UNC5D: variants seen among roughly 807,000 people sequenced by gnomAD.
UNC5D encodes netrin receptor UNC5D.
In UNC5D, 39 loss-of-function variants were observed where a neutral mutation model predicts 105.4. That is an observed-to-expected ratio of 0.37 (90% CI 0.29 to 0.48). The LOEUF (loss-of-function observed/expected upper bound fraction) is 0.48, where lower values mean the gene tolerates loss of function less well. UNC5D is among the 20% of genes least tolerant of loss of function. The pLI is 0.98. For missense variants in UNC5D, 991 were observed against 1,202.4 expected (o/e 0.82, Z 2.60); for synonymous variants, 452 against 450.4 (o/e 1.00, Z -0.04).
At chr8:35,695,927 G>T (rs540084988) in intron 7 of UNC5D, among the ~76,000 whole-genome samples, 2 of 151,956 alleles carry the variant, frequency 1.3e-5, no homozygotes, top group South Asian at 4.2e-4. Context: ...TAGAGATGGG[G>T]TTTTGCCATG....
chr8:35,502,372 C>T (rs1241433740), intron 1 of UNC5D, among the ~76,000 whole-genome samples: 1 of 152,174 alleles, frequency 6.6e-6, no homozygotes, highest in African/African-American at 2.4e-5. Flanking sequence ...ATGCGTGTGG[C>T]AGGATCAAAT....
intron 8 of UNC5D, among the ~76,000 whole-genome samples, chr8:35,710,958 AGACG>A (rs1415309249): frequency 5.6e-5 from 4 of 72,070 alleles, no homozygotes; most frequent in Non-Finnish European, 8.8e-5. Flanking sequence ...TTTTTTTTTG[AGACG>A]GAGTCTCGCT....
intron 4 of UNC5D, among the ~76,000 whole-genome samples, chr8:35,647,136 C>A (rs895739266): frequency 1.1e-4 from 16 of 152,098 alleles, no homozygotes; most frequent in Admixed American, 4.6e-4. Context: ...CAAATGTATT[C>A]TTTGAAAGAA....
chr8:35,788,509 C>T (rs1477589150), intron 16 of UNC5D, among the ~76,000 whole-genome samples: 1 of 152,050 alleles, frequency 6.6e-6, no homozygotes, highest in Non-Finnish European at 1.5e-5. Context: ...TAAAGCTTAC[C>T]ATGCTTTTAC....
intron 4 of UNC5D, among the ~76,000 whole-genome samples, chr8:35,661,066 C>G (rs1036594288): frequency 2.0e-5 from 3 of 151,826 alleles, no homozygotes; most frequent in Non-Finnish European, 4.4e-5. Flanking sequence ...CTACTGTACT[C>G]TAGCCCAGGT....
intron 1 of UNC5D, among the ~76,000 whole-genome samples, chr8:35,411,054 C>G (rs1805131242): frequency 6.6e-6 from 1 of 151,870 alleles, no homozygotes; most frequent in African/African-American, 2.4e-5. Context: ...TATGTTATTC[C>G]TGCATCCAGA....
intron 1 of UNC5D, among the ~76,000 whole-genome samples, chr8:35,393,781 C>A (rs1803928289): frequency 2.0e-5 from 3 of 152,090 alleles, no homozygotes; most frequent in Non-Finnish European, 4.4e-5. Flanking sequence ...GGTCTTCCAG[C>A]CATAGAAGAT....
At chr8:35,259,831 G>A (rs10091394) in intron 1 of UNC5D, among the ~76,000 whole-genome samples, 63,822 of 151,280 alleles carry the variant, frequency 0.42, 13,745 homozygotes, top group East Asian at 0.7. Flanking sequence ...TGGTAAAAAG[G>A]TGGAGGAAGT....
chr8:35,737,437 G>A (rs1465165989), intron 11 of UNC5D, among the ~76,000 whole-genome samples: 1 of 151,814 alleles, frequency 6.6e-6, no homozygotes, highest in African/African-American at 2.4e-5. Flanking sequence ...AGCAACTTTG[G>A]ATTTCTTTCC....
At chr8:35,625,155 CAT>C (rs1291867987) in intron 4 of UNC5D, among the ~76,000 whole-genome samples, 1 of 152,134 alleles carries the variant, frequency 6.6e-6, no homozygotes, top group Non-Finnish European at 1.5e-5. Flanking sequence ...TATTCACAAA[CAT>C]AAACTTCCCT....
chr8:35,589,550 A>G (rs545773117), intron 3 of UNC5D, among the ~76,000 whole-genome samples: 8 of 152,052 alleles, frequency 5.3e-5, no homozygotes, highest in Non-Finnish European at 1.2e-4. Context: ...AGTTTTTAGT[A>G]TACTCACAGA....
chr8:35,247,248 T>G (rs992226729), intron 1 of UNC5D, among the ~76,000 whole-genome samples: 6 of 143,764 alleles, frequency 4.2e-5, no homozygotes, highest in Non-Finnish European at 7.5e-5. Flanking sequence ...TGTTTATATT[T>G]TTCTAAAATA....
chr8:35,502,347 G>A (rs1264587736), intron 1 of UNC5D, among the ~76,000 whole-genome samples: 2 of 152,176 alleles, frequency 1.3e-5, no homozygotes, highest in East Asian at 3.8e-4. Context: ...TCAGATCTAA[G>A]CAGAGTTGTC....
chr8:35,589,043 CAAA>C (rs796752210), intron 3 of UNC5D, among the ~76,000 whole-genome samples: 1 of 132,856 alleles, frequency 7.5e-6, no homozygotes, highest in African/African-American at 2.8e-5. Flanking sequence ...GACTTCATCT[CAAA>C]AAAAAAAAAG....
intron 16 of UNC5D, among the ~76,000 whole-genome samples, chr8:35,785,936 C>A (rs979302330): frequency 8.6e-5 from 13 of 152,020 alleles, no homozygotes; most frequent in African/African-American, 3.1e-4. Context: ...GTTTTATTAT[C>A]CCCCTTATAA....
intron 3 of UNC5D, among the ~76,000 whole-genome samples, chr8:35,592,376 CTTG>C (rs1300464028): frequency 2.0e-5 from 3 of 152,006 alleles, no homozygotes; most frequent in Non-Finnish European, 4.4e-5. Context: ...TAGTATAATT[CTTG>C]TTATATGGCT....
chr8:35,341,243 A>G (rs1461825179), intron 1 of UNC5D, among the ~76,000 whole-genome samples: 1 of 152,116 alleles, frequency 6.6e-6, no homozygotes, highest in Non-Finnish European at 1.5e-5. Flanking sequence ...AACTAATTAT[A>G]TGCAATTTAG....
chr8:35,254,350 G>C (rs1803925532), intron 1 of UNC5D: 1 of 152,116 alleles, frequency 6.6e-6, no homozygotes, highest in Non-Finnish European at 1.5e-5. Context: ...GCAATGCCCA[G>C]TTTCACATAT....
chr8:35,391,098 T>C (rs1803742705), intron 1 of UNC5D, among the ~76,000 whole-genome samples: 2 of 152,218 alleles, frequency 1.3e-5, no homozygotes, highest in Non-Finnish European at 2.9e-5. Flanking sequence ...ATAAAGAATG[T>C]TATATGCTGT....
Sources: gnomAD v4.1 joint callset for allele counts (sites outside exome capture counted in the v4.1 genomes callset) on GRCh38, gnomAD v4.1.1 for gene constraint, MANE v1.5 for transcripts, NCBI Gene and HGNC (gene_info 2026-07-23, HGNC 2026-07-21) for gene names.